The following CCND3 variants were observed in gnomAD, a reference collection of about 807,000 sequenced individuals.
The protein encoded by CCND3 is G1/S-specific cyclin-D3.
A neutral mutation model predicts 28.7 loss-of-function variants in CCND3; 9 were observed. That is an observed-to-expected ratio of 0.31 (90% CI 0.19 to 0.55). The LOEUF is 0.55. CCND3 is among the 20% of genes least tolerant of loss of function. CCND3 has a pLI of 0.93. For missense variants in CCND3, 315 were observed against 385.8 expected, an observed-to-expected ratio of 0.82 and a Z score of 1.54; for synonymous variants, 164 against 163.9, an observed-to-expected ratio of 1.00 and a Z score of 0.00.
upstream of CCND3, among the ~76,000 whole-genome samples, chr6:41,944,101 C>A (rs1776108793): frequency 6.6e-6 from 1 of 151,866 alleles, no homozygotes; most frequent in South Asian, 2.1e-4. Context: ...GAGGCTGAGG[C>A]AGGAGGATCA....
In CCND3 at chr6:41,938,722, G is replaced by A. The variant is rs761821062; in HGVS notation, c.415-1328C>T. Among the ~76,000 whole-genome samples, 3 of 152,090 alleles carry A rather than the reference G, an allele frequency of 2.0e-5. No individual in the cohort carries two copies. The highest frequency in any genetic ancestry group is 2.1e-4 in the South Asian group (1 of 4,826). On this transcript the variant is annotated intron_variant, in intron 2 of 4. Transcript: ENST00000372991. The surrounding 1 kb of genome is among the most constrained non-coding windows in gnomAD (Gnocchi z 4.6). ...GTGCTTAGCTTCAGTAGGTGGCAGC[G>A]GCCATCACATTCCTGACTTTTAAGG...
At chr6:42,022,507 G>A (rs756144769) in intron 1 of CCND3, among the ~76,000 whole-genome samples, 4 of 152,150 alleles carry the variant, frequency 2.6e-5, no homozygotes, top group South Asian at 2.1e-4. Flanking sequence ...GGTGTGCAGC[G>A]GGCACATCCA....
At chr6:41,943,468 A>G (rs1269300518), upstream of CCND3, among the ~76,000 whole-genome samples, 1 of 152,252 alleles carries the variant, frequency 6.6e-6, no homozygotes, top group Non-Finnish European at 1.5e-5. Context: ...TAGGGACATA[A>G]TATACCATTA....
chr6:41,980,085 C>T (rs1582128376), intron 1 of CCND3, among the ~76,000 whole-genome samples: 1 of 146,166 alleles, frequency 6.8e-6, no homozygotes, highest in East Asian at 2.1e-4. Flanking sequence ...TCTTAAAAGA[C>T]AAATCTTAAA....
intron 1 of CCND3, among the ~76,000 whole-genome samples, chr6:42,044,507 C>G (rs748842105): frequency 6.6e-6 from 1 of 152,136 alleles, no homozygotes; most frequent in Non-Finnish European, 1.5e-5. Flanking sequence ...GGCGAAGGGG[C>G]TTTGAGGTCG....
intron 1 of CCND3, among the ~76,000 whole-genome samples, chr6:41,983,572 A>T (rs1346747623): frequency 2.0e-5 from 3 of 151,704 alleles, no homozygotes; most frequent in Admixed American, 1.3e-4. Flanking sequence ...AGGTGGCTCA[A>T]ACCTGTAATC....
intron 1 of CCND3, among the ~76,000 whole-genome samples, chr6:42,033,457 A>T (rs116307341): frequency 0.15 from 20,610 of 141,754 alleles, 1,650 homozygotes; most frequent in East Asian, 0.39. Flanking sequence ...CTAAAAAAAA[A>T]ATATATATAT....
intron 1 of CCND3, among the ~76,000 whole-genome samples, chr6:42,044,702 A>G (rs906753133): frequency 7.2e-5 from 11 of 152,102 alleles, no homozygotes; most frequent in African/African-American, 9.7e-5. Context: ...CTTTGCTGCA[A>G]TCTTCCAGAA....
chr6:41,989,128 G>A (rs191130197), intron 1 of CCND3, among the ~76,000 whole-genome samples: 1 of 148,668 alleles, frequency 6.7e-6, no homozygotes, highest in East Asian at 1.9e-4. Flanking sequence ...ATTGTTATTC[G>A]CAATATGCAA....
At chr6:41,997,620 A>G (rs147104659) in intron 1 of CCND3, among the ~76,000 whole-genome samples, 40 of 152,288 alleles carry the variant, frequency 2.6e-4, no homozygotes, top group African/African-American at 9.1e-4. Flanking sequence ...AGCCAGGCAC[A>G]GTGGCATATG....
At chr6:42,046,740 A>G (rs2127443247) in intron 1 of CCND3, among the ~76,000 whole-genome samples, 1 of 152,302 alleles carries the variant, frequency 6.6e-6, no homozygotes, top group Non-Finnish European at 1.5e-5. Context: ...GGCTCACTGT[A>G]AACAGTACCA....
rs918956643 is a variant in CCND3, at chr6:41,936,578, C to T, written c.692G>A (p.Gly231Glu). The T allele has an allele frequency of 8.7e-6, 14 of 1,614,162 alleles. No homozygotes were observed. The highest frequency in any genetic ancestry group is 1.2e-5 in the Non-Finnish European group (14 of 1,180,014). ...ACTCACCACTTCAGTGCCAGTGATCCCTGCCAGCAGCTCTGTGAGCTCATC... is the reference window on the plus strand; with the variant it reads ...ACTCACCACTTCAGTGCCAGTGATCTCTGCCAGCAGCTCTGTGAGCTCATC... ...SGDELTELLA[G>E]ITGTEVDCLR... The change falls in exon 4 of 5, where the codon GGG becomes GAG. Residue 231 changes from glycine (G) to glutamate (E), a missense_variant. Coordinates refer to ENST00000372991, the MANE Select transcript of CCND3 (RefSeq NM_001760.5). The surrounding 1 kb of genome is among the most constrained non-coding windows in gnomAD (Gnocchi z 4.4).
chr6:41,992,880 A>G (rs1313023420), intron 1 of CCND3, among the ~76,000 whole-genome samples: 1 of 151,982 alleles, frequency 6.6e-6, no homozygotes, highest in Non-Finnish European at 1.5e-5. Context: ...TGCTGAGGTT[A>G]CAAGCATGAG....
At chr6:41,978,803 A>C (rs1157151378) in intron 1 of CCND3, among the ~76,000 whole-genome samples, 1 of 152,168 alleles carries the variant, frequency 6.6e-6, no homozygotes, top group Non-Finnish European at 1.5e-5. Context: ...TTCTTTAAAA[A>C]TGTTATTTAT....
chr6:41,985,840 G>A (rs796965832), intron 1 of CCND3, among the ~76,000 whole-genome samples: 54 of 1,888 alleles, frequency 0.029, 27 homozygotes, highest in Admixed American at 0.12. Flanking sequence ...CGTTTTAGCC[G>A]GGATGGTCTC....
At chr6:41,949,459 C>T (rs772450679) in intron 1 of CCND3, among the ~76,000 whole-genome samples, 7 of 152,136 alleles carry the variant, frequency 4.6e-5, no homozygotes, top group Admixed American at 2.0e-4. Flanking sequence ...GAGCCGAGAT[C>T]GTGCCACTGC....
Position 41,974,854 on chromosome 6 carries a change from G to A in CCND3, c.-45-34269C>T, listed in dbSNP as rs552242782. 3.4e-5 allele frequency among the ~76,000 whole-genome samples: 5 copies of A among 147,514 alleles called. No homozygotes were observed. In the East Asian group the frequency reaches 8.0e-4, roughly 24 times the overall value. The stretch of plus-strand genomic sequence containing the variant: ...GTTGCCCAGGCTGGAGTACAATGGC[G>A]CCATCTTGGCTCACTGCAACCTCCG... On this transcript the variant is annotated intron_variant, in intron 1 of 4. Coordinates refer to the CCND3 transcript ENST00000372988.
At chr6:41,955,376 G>A (rs531050943) in intron 1 of CCND3, among the ~76,000 whole-genome samples, 2 of 152,004 alleles carry the variant, frequency 1.3e-5, no homozygotes, top group Admixed American at 6.6e-5. Context: ...GTATACCAAA[G>A]TGCATGGTTA....
chr6:42,041,126 A>C (rs767175463), intron 1 of CCND3, among the ~76,000 whole-genome samples: 2 of 152,182 alleles, frequency 1.3e-5, no homozygotes, highest in Non-Finnish European at 2.9e-5. Context: ...TTCCCACAAG[A>C]AGCACCAAAA....
Sources: allele counts gnomAD v4.1 joint callset (sites outside exome capture counted in the v4.1 genomes callset), GRCh38; gene constraint gnomAD v4.1.1; non-coding constraint Gnocchi (gnomAD v3.1); transcripts MANE v1.5; gene names NCBI Gene and HGNC (gene_info 2026-07-23, HGNC 2026-07-21).